The following SUMF1 variants were observed in gnomAD, a reference collection of about 807,000 sequenced individuals.
SUMF1 encodes the protein sulfatase modifying factor 1.
In SUMF1, 48 loss-of-function variants were observed where a neutral mutation model predicts 47.6. The observed-to-expected ratio is 1.01, with a 90% CI of 0.80 to 1.28. The LOEUF (loss-of-function observed/expected upper bound fraction) is 1.28, where lower values mean the gene tolerates loss of function less well. Among genes scored for constraint, SUMF1 ranks in the 50% most tolerant of loss-of-function variants. The pLI, the probability that SUMF1 is intolerant of heterozygous loss-of-function variation, is 0.00. For synonymous variants in SUMF1, 230 were observed against 192.1 expected, an observed-to-expected ratio of 1.20 and a Z score of -1.63; for missense variants, 571 against 485.4, an observed-to-expected ratio of 1.18 and a Z score of -1.66.
At chr3:4,248,649 A>G (rs1696723364) in intron 8 of SUMF1, among the ~76,000 whole-genome samples, 1 of 152,176 alleles carries the variant, frequency 6.6e-6, no homozygotes, top group African/African-American at 2.4e-5. Context: ...CCCCTCAGCT[A>G]CACTTTAGAA....
chr3:4,091,884 A>C (rs140027366), intron 8 of SUMF1, among the ~76,000 whole-genome samples: 1 of 136,696 alleles, frequency 7.3e-6, no homozygotes, highest in African/African-American at 2.6e-5. Flanking sequence ...TGAGTGTGCA[A>C]TTTAAAAAAA....
chr3:4,451,430 C>T lies in SUMF1; in HGVS notation c.444+1446G>A, dbSNP rs73807243. ...GTAAATAACCAGATATATTAGGTTGCTGCAAAAGTAATCGCGGTCTTTGCC... is the reference window on the plus strand; with the variant it reads ...GTAAATAACCAGATATATTAGGTTGTTGCAAAAGTAATCGCGGTCTTTGCC... On this transcript the variant is annotated intron_variant, in intron 2 of 8. Transcript: ENST00000272902. 2.4e-3 allele frequency among the ~76,000 whole-genome samples: 358 copies of T among 152,248 alleles called. 2 individuals carry two copies. Among genetic ancestry groups the T allele is most frequent in the African/African-American group, 8.2e-3 (341 of 41,534 alleles).
intron 8 of SUMF1, among the ~76,000 whole-genome samples, chr3:4,235,605 A>C (rs1391083127): frequency 6.6e-6 from 1 of 152,142 alleles, no homozygotes; most frequent in Non-Finnish European, 1.5e-5. Context: ...GTTGCATTTA[A>C]GAGATATATC....
rs142753743 is a variant in SUMF1 at position 4,437,239 on chromosome 3, G to T, written c.519+12027C>A. On this transcript the variant is annotated intron_variant, in intron 3 of 8. Transcript: ENST00000272902. ...GAAGAAAACAAATTAGAATGAAAGAGTGGACACCAGTAATACGTAAGTTGG... is the reference window on the plus strand; with the variant it reads ...GAAGAAAACAAATTAGAATGAAAGATTGGACACCAGTAATACGTAAGTTGG... Among the ~76,000 whole-genome samples, 185 of 152,300 alleles carry T rather than the reference G, an allele frequency of 1.2e-3. 1 individual carries two copies. The highest frequency in any genetic ancestry group is 4.3e-3 in the African/African-American group (179 of 41,556).
chr3:4,407,258 C>T (rs1289042220), intron 7 of SUMF1, among the ~76,000 whole-genome samples: 1 of 152,180 alleles, frequency 6.6e-6, no homozygotes. Flanking sequence ...TTAACTTTTG[C>T]TCCCTGGAAA....
At position 4,056,987 on chromosome 3, in the gene SUMF1, C is replaced by T. The variant is rs530084261; in HGVS notation, c.1191+11582G>A. On this transcript the variant is annotated intron_variant and NMD_transcript_variant, in intron 9 of 12. Coordinates refer to the SUMF1 transcript ENST00000448413. ...GGTCTCGATCTCCTGACCTCGTGAT[C>T]CACCCACCTCAGCCTCCCAAAGTGC... is the stretch of plus-strand genomic sequence containing the variant. Among the ~76,000 whole-genome samples, 151 of 151,980 alleles carry T rather than the reference C, an allele frequency of 9.9e-4. 1 individual carries two copies. The highest frequency in any genetic ancestry group is 6.8e-3 in the Middle Eastern group (2 of 294).
intron 7 of SUMF1, among the ~76,000 whole-genome samples, chr3:4,391,272 T>C (rs551595676): frequency 6.6e-6 from 1 of 152,262 alleles, no homozygotes; most frequent in South Asian, 2.1e-4. Context: ...TTTTGCAGTT[T>C]ATCCTAATTG....
chr3:4,380,131 A>G (rs990840649), intron 7 of SUMF1, among the ~76,000 whole-genome samples: 2 of 151,908 alleles, frequency 1.3e-5, no homozygotes, highest in Non-Finnish European at 2.9e-5. Flanking sequence ...TGTGCTCAAG[A>G]GTCTTGGGGA....
chr3:4,109,707 T>C (rs1023311848), intron 8 of SUMF1, among the ~76,000 whole-genome samples: 2 of 152,168 alleles, frequency 1.3e-5, no homozygotes, highest in Admixed American at 1.3e-4. Flanking sequence ...TTTCTTCCAG[T>C]TGATCGCATC....
intron 1 of SUMF1, among the ~76,000 whole-genome samples, chr3:4,465,588 G>A (rs933531979): frequency 1.3e-5 from 2 of 151,944 alleles, no homozygotes; most frequent in African/African-American, 4.8e-5. Context: ...ACAGTAATCA[G>A]GAGTCTTCAA....
intron 8 of SUMF1, among the ~76,000 whole-genome samples, chr3:4,203,338 CT>C (rs1201208412): frequency 7.2e-5 from 11 of 151,824 alleles, no homozygotes; most frequent in Non-Finnish European, 1.6e-4. Context: ...TCATTAATGA[CT>C]TTCTTTGTTT....
At chr3:4,154,062 C>T (rs1026603090) in intron 8 of SUMF1, among the ~76,000 whole-genome samples, 1 of 151,382 alleles carries the variant, frequency 6.6e-6, no homozygotes, top group African/African-American at 2.5e-5. Flanking sequence ...TGGACTATGG[C>T]AGAATTAAAT....
rs140449526 is a variant in SUMF1, at chr3:4,093,032, G to C, written c.1015-24287C>G. On this transcript the variant is annotated intron_variant and NMD_transcript_variant, in intron 8 of 12. Transcript: ENST00000448413. ...GAATACATGCAGTGCTTAAAAGTAA[G>C]AGCTCTGCAATTGGGTAGACTGGCT... 2.0e-3 allele frequency among the ~76,000 whole-genome samples: 310 copies of C among 152,236 alleles called. 4 individuals carry two copies. The highest frequency in any genetic ancestry group is 7.3e-3 in the African/African-American group (304 of 41,546).
chr3:4,112,291 T>C (rs1342760387), intron 8 of SUMF1, among the ~76,000 whole-genome samples: 2 of 152,138 alleles, frequency 1.3e-5, no homozygotes, highest in Non-Finnish European at 2.9e-5. Context: ...CCCAAGAGCA[T>C]GTTTCTTTCT....
At chr3:4,446,291 T>C (rs1027674083) in intron 3 of SUMF1, among the ~76,000 whole-genome samples, 2 of 150,336 alleles carry the variant, frequency 1.3e-5, no homozygotes, top group African/African-American at 5.0e-5. Context: ...GCCATGATAG[T>C]AAATAAGTCT....
chr3:4,094,477 G>A (rs1194749339), intron 8 of SUMF1, among the ~76,000 whole-genome samples: 3 of 152,042 alleles, frequency 2.0e-5, no homozygotes, highest in East Asian at 1.9e-4. Flanking sequence ...TCCAACTGGG[G>A]AAACCAGAAA....
chr3:4,371,946 C>A (rs73809524), intron 8 of SUMF1, among the ~76,000 whole-genome samples: 4,641 of 152,234 alleles, frequency 0.03, 243 homozygotes, highest in African/African-American at 0.11. Flanking sequence ...TTCTGTGCCC[C>A]CATCTCCTTA....
rs1694621252 is a variant in SUMF1 at position 4,163,305 on chromosome 3, C to G, written c.1015-94560G>C. ...ACCAAAGCAGACTTAATCTCCTTGC[C>G]CCTTTTTAACCTTCCTTTTCATGCA... On this transcript the variant is annotated intron_variant and NMD_transcript_variant, in intron 8 of 12. Coordinates refer to the SUMF1 transcript ENST00000448413. Among the ~76,000 whole-genome samples the G allele has an allele frequency of 2.1e-5, 3 of 139,784 alleles. No homozygotes were observed. The South Asian group carries it at 7.1e-4, about 33-fold the overall frequency. The allele number at this position is 139,784 out of a possible 152,430, so 91.7% of individuals were successfully genotyped here.
intron 8 of SUMF1, among the ~76,000 whole-genome samples, chr3:4,304,329 A>G (rs1344599531): frequency 6.6e-6 from 1 of 152,114 alleles, no homozygotes; most frequent in African/African-American, 2.4e-5. Context: ...TTTAGTAGAG[A>G]CAGGGTTTCT....
Sources: gnomAD v4.1 joint callset for allele counts (sites outside exome capture counted in the v4.1 genomes callset) on GRCh38, gnomAD v4.1.1 for gene constraint, MANE v1.5 for transcripts, NCBI Gene and HGNC (gene_info 2026-07-23, HGNC 2026-07-21) for gene names.